Variants in ULK4 observed in about 807,000 individuals in gnomAD.
ULK4 encodes unc-51 like kinase 4.
Under a neutral mutation model 160.6 loss-of-function variants are expected in ULK4, and 133 were observed. The ratio of observed to expected loss-of-function variants is 0.83; its 90% CI spans 0.72 to 0.96. The LOEUF (loss-of-function observed/expected upper bound fraction) is 0.96. ULK4 is among the 40% of genes least tolerant of loss of function. The pLI is 0.00. For missense variants in ULK4, 1,580 were observed against 1,499.5 expected, an observed-to-expected ratio of 1.05 and a Z score of -0.89; for synonymous variants, 534 against 539.8, an observed-to-expected ratio of 0.99 and a Z score of 0.15.
intron 35 of ULK4, among the ~76,000 whole-genome samples, chr3:41,297,195 AG>A (rs1401279856): frequency 2.0e-5 from 3 of 152,194 alleles, no homozygotes; most frequent in Non-Finnish European, 2.9e-5. Flanking sequence ...GCTGTGCATC[AG>A]CATCATGGAG....
At chr3:41,801,322 T>A (rs955778403) in intron 19 of ULK4, among the ~76,000 whole-genome samples, 37 of 151,534 alleles carry the variant, frequency 2.4e-4, no homozygotes, top group Admixed American at 2.0e-4. Context: ...AAATAAGACT[T>A]GAAAAAGAAA....
At chr3:41,567,480 G>A (rs375384859) in intron 31 of ULK4, among the ~76,000 whole-genome samples, 3 of 122,212 alleles carry the variant, frequency 2.5e-5, no homozygotes, top group South Asian at 2.6e-4. Flanking sequence ...ATGGAGTCTC[G>A]CTCTGTCGCC....
chr3:41,928,510 A>G (rs554716611), intron 5 of ULK4, among the ~76,000 whole-genome samples: 160 of 150,754 alleles, frequency 1.1e-3, no homozygotes, highest in Non-Finnish European at 1.9e-3. Flanking sequence ...GCAGAAATGA[A>G]GGAGATACAG....
chr3:41,349,575 T>C (rs2080869912), intron 35 of ULK4, among the ~76,000 whole-genome samples: 1 of 152,186 alleles, frequency 6.6e-6, no homozygotes, highest in Admixed American at 6.5e-5. Flanking sequence ...GGAGTAGCAG[T>C]GGTAGCAGAA....
intron 8 of ULK4, chr3:41,914,668 A>G (rs1309826390): frequency 6.6e-6 from 1 of 152,216 alleles, no homozygotes; most frequent in Non-Finnish European, 1.5e-5. Context: ...ATCAAGAGGC[A>G]TTCTAAACGT....
At chr3:41,481,004 TG>T (rs2125896530) in intron 32 of ULK4, among the ~76,000 whole-genome samples, 1 of 152,300 alleles carries the variant, frequency 6.6e-6, no homozygotes, top group Non-Finnish European at 1.5e-5. Context: ...CAAGATGAGA[TG>T]TGGATAGGGA....
chr3:41,895,532 A>G lies in ULK4; in HGVS notation c.1563T>C (p.Ala521=). 1 of 1,510,706 alleles carries G rather than the reference A, an allele frequency of 6.6e-7. No homozygotes were observed. Among genetic ancestry groups the G allele is most frequent in the East Asian group, 2.5e-5 (1 of 40,438 alleles). 93.6% of individuals were successfully genotyped at this position (1,510,706 alleles called of 1,614,324 possible). Reference sequence around the variant, plus strand: ...ACGTTACTTACATATCCCAGTTTGGAGCTATCCGCAAATGCTGGATTAGCA... The same window carrying G: ...ACGTTACTTACATATCCCAGTTTGGGGCTATCCGCAAATGCTGGATTAGCA... The part of the protein sequence containing the change: ...FQLLIQHLRI[A]PNWDIRAKVA... Residue 521 remains alanine (A), a synonymous_variant, in exon 16 of 37, where the codon GCT becomes GCC. Transcript: ENST00000301831.
At chr3:41,650,320 T>C (rs576338445) in intron 30 of ULK4, among the ~76,000 whole-genome samples, 1 of 152,270 alleles carries the variant, frequency 6.6e-6, no homozygotes, top group South Asian at 2.1e-4. Context: ...GCTCGCCATG[T>C]TGCAAGAGAC....
At chr3:41,255,129 TACACACACACACACACACAC>T in intron 35 of ULK4, among the ~76,000 whole-genome samples, 1 of 144,258 alleles carries the variant, frequency 6.9e-6, no homozygotes, top group East Asian at 2.0e-4. Flanking sequence ...AAATTATGGC[TACACACACACACACACACAC>T]ACACACACAC....
chr3:41,800,249 A>G lies in ULK4; in HGVS notation c.1893T>C (p.Asn631=). ...VNHMAAKIIE[N]VCTTFSAQSQ... ...ACTGAGCAGAAAAGGTGGTACAGAC[A>G]TTTTCAATAATTTTTGCTGCCATGT... The change falls in exon 20 of 37, where the codon AAT becomes AAC. Residue 631 remains asparagine, a synonymous_variant. Coordinates refer to ENST00000301831, the MANE Select transcript of ULK4 (RefSeq NM_017886.4). 6.2e-7 allele frequency: 1 copy of G among 1,613,130 alleles called. No homozygotes were observed. The highest frequency in any genetic ancestry group is 8.5e-7 in the Non-Finnish European group (1 of 1,179,758).
At chr3:41,503,450 G>A (rs2085277018) in intron 32 of ULK4, among the ~76,000 whole-genome samples, 1 of 152,124 alleles carries the variant, frequency 6.6e-6, no homozygotes, top group African/African-American at 2.4e-5. Context: ...CTCAGGATGT[G>A]TAAGACACTT....
chr3:41,531,314 G>A (rs1023064304), intron 32 of ULK4, among the ~76,000 whole-genome samples: 22 of 150,324 alleles, frequency 1.5e-4, no homozygotes, highest in Non-Finnish European at 2.7e-4. Context: ...GGTGGTGGGC[G>A]CCAGTAGTCC....
At chr3:41,389,780 T>G (rs1380745196) in intron 35 of ULK4, among the ~76,000 whole-genome samples, 2 of 152,180 alleles carry the variant, frequency 1.3e-5, no homozygotes, top group African/African-American at 4.8e-5. Context: ...TTGCCAGTAT[T>G]TTATTGAGGA....
intron 2 of ULK4, among the ~76,000 whole-genome samples, chr3:41,939,688 G>A (rs568834628): frequency 1.3e-5 from 2 of 152,168 alleles, no homozygotes; most frequent in Non-Finnish European, 2.9e-5. Flanking sequence ...TTGAGCCAGG[G>A]GGGTCCCCAA....
chr3:41,715,070 G>A (rs966596695), intron 25 of ULK4, among the ~76,000 whole-genome samples, 167 bp downstream of exon 25: 1 of 152,048 alleles, frequency 6.6e-6, no homozygotes, highest in African/African-American at 2.4e-5. Flanking sequence ...TTCTCCAAAT[G>A]TCAAATTTTA....
intron 30 of ULK4, among the ~76,000 whole-genome samples, chr3:41,647,265 C>T (rs1362058501): frequency 3.3e-5 from 5 of 152,220 alleles, no homozygotes; most frequent in South Asian, 4.1e-4. Context: ...GGAGGAGAGG[C>T]ACTCTGCTTT....
intron 12 of ULK4, among the ~76,000 whole-genome samples, chr3:41,902,595 A>G (rs1282539684): frequency 6.6e-6 from 1 of 151,470 alleles, no homozygotes; most frequent in Non-Finnish European, 1.5e-5. Flanking sequence ...AAAGAAAAAA[A>G]AAAAAAAGGC....
intron 22 of ULK4, among the ~76,000 whole-genome samples, chr3:41,745,210 G>GC (rs1321527465): frequency 1.3e-4 from 19 of 151,210 alleles, no homozygotes; most frequent in Non-Finnish European, 2.1e-4. Context: ...TCAGGGAATG[G>GC]ACTGAAAACA....
chr3:41,846,948 T>C (rs763562145), intron 17 of ULK4, among the ~76,000 whole-genome samples: 2 of 152,246 alleles, frequency 1.3e-5, no homozygotes, highest in East Asian at 1.9e-4. Flanking sequence ...AATACCGTTA[T>C]GCTTTGAGGC....
Sources: gnomAD v4.1 joint callset for allele counts (sites outside exome capture counted in the v4.1 genomes callset) on GRCh38, gnomAD v4.1.1 for gene constraint, MANE v1.5 for transcripts, NCBI Gene and HGNC (gene_info 2026-07-23, HGNC 2026-07-21) for gene names.